Variants in GPR107 observed in about 807,000 individuals in gnomAD.
The protein encoded by GPR107 is G protein-coupled receptor 107.
In GPR107, 31 loss-of-function variants were observed where a neutral mutation model predicts 75.5. The ratio of observed to expected loss-of-function variants is 0.41; its 90% CI spans 0.31 to 0.55. The LOEUF is 0.55. Among genes scored for constraint, GPR107 ranks in the 20% least tolerant of loss-of-function variants. The probability of loss-of-function intolerance (pLI) is 0.26; values close to 1 mark genes in which losing one functional copy is unlikely to be tolerated. For missense variants in GPR107, 572 were observed against 665.7 expected (o/e 0.86, Z 1.55); for synonymous variants, 267 against 251.3 (o/e 1.06, Z -0.59).
In GPR107 at chr9:130,137,627, C is replaced by T. The variant is rs2132667753; in HGVS notation, c.*2506C>T. The T allele has an allele frequency of 6.6e-6, 1 of 152,236 alleles. No individual in the cohort carries two copies. Among genetic ancestry groups the T allele is most frequent in the East Asian group, 1.9e-4 (1 of 5,202 alleles). 9.4% of individuals were successfully genotyped at this position (152,236 alleles called of 1,614,324 possible). Reference sequence around the variant, plus strand: ...TAAAAAATTATTGAAGCTCTCCATCCTGTTCTGTGAGTGTGTCTTCTCTTT... The same window carrying T: ...TAAAAAATTATTGAAGCTCTCCATCTTGTTCTGTGAGTGTGTCTTCTCTTT... On this transcript the variant is annotated 3_prime_UTR_variant, in exon 18 of 18. Coordinates refer to ENST00000347136, the MANE Select transcript of GPR107 (RefSeq NM_020960.5).
chr9:130,111,626 T>C (rs532275038), intron 14 of GPR107, among the ~76,000 whole-genome samples: 1 of 152,314 alleles, frequency 6.6e-6, no homozygotes, highest in Admixed American at 6.5e-5. Flanking sequence ...AGACATGCCA[T>C]TTGTAGTTTT....
At chr9:130,098,771 G>T (rs1385418174) in intron 9 of GPR107, among the ~76,000 whole-genome samples, 1 of 152,166 alleles carries the variant, frequency 6.6e-6, no homozygotes, top group African/African-American at 2.4e-5. Context: ...ACTTTGGGAG[G>T]CAGAGGCGGG....
At chr9:130,124,391 G>T (rs1831623252) in intron 14 of GPR107, among the ~76,000 whole-genome samples, 1 of 152,158 alleles carries the variant, frequency 6.6e-6, no homozygotes, top group African/African-American at 2.4e-5. Context: ...TACTGAAAGG[G>T]CTTATTACAA....
intron 5 of GPR107, among the ~76,000 whole-genome samples, chr9:130,081,311 G>A (rs1207492427): frequency 1.3e-5 from 2 of 152,172 alleles, no homozygotes; most frequent in Non-Finnish European, 2.9e-5. Context: ...GCCAAGGCGG[G>A]CAGATTACTT....
intron 14 of GPR107, among the ~76,000 whole-genome samples, chr9:130,111,088 A>G (rs985427944): frequency 6.6e-6 from 1 of 151,932 alleles, no homozygotes; most frequent in Non-Finnish European, 1.5e-5. Context: ...CCTAACCTCA[A>G]GCCATCGTCC....
At chr9:130,101,464 T>C (rs2132610389) in intron 12 of GPR107, among the ~76,000 whole-genome samples, 1 of 152,390 alleles carries the variant, frequency 6.6e-6, no homozygotes, top group East Asian at 1.9e-4. Context: ...AGAGAGCTGC[T>C]GACAGTGACA....
At chr9:130,062,616 GCCTGCCTTCCTGCCTT>G (rs1377706663) in intron 1 of GPR107, among the ~76,000 whole-genome samples, 3 of 120,278 alleles carry the variant, frequency 2.5e-5, no homozygotes, top group Middle Eastern at 3.6e-3. Context: ...CTGCCTGCCT[GCCTGCCTTCCTGCCTT>G]CCTGCCTGCC....
At chr9:130,060,096 C>G (rs1208146408) in intron 1 of GPR107, among the ~76,000 whole-genome samples, 1 of 151,798 alleles carries the variant, frequency 6.6e-6, no homozygotes, top group Non-Finnish European at 1.5e-5. Flanking sequence ...GGAGTCTCAT[C>G]CTGTCCCCCA....
intron 17 of GPR107, chr9:130,132,932 T>TA (rs1310973433): frequency 5.3e-5 from 8 of 152,056 alleles, no homozygotes; most frequent in Non-Finnish European, 1.2e-4. Flanking sequence ...TTTTGCCTGT[T>TA]ATATTTCTTC....
At chr9:130,125,692 A>G (rs1831660137) in intron 15 of GPR107, among the ~76,000 whole-genome samples, 2 of 143,118 alleles carry the variant, frequency 1.4e-5, no homozygotes. Flanking sequence ...TTACTCATTT[A>G]GAAAAATGGG....
rs915956142 is a variant in GPR107 at position 130,054,080 on chromosome 9, C to G, written c.141+7C>G. On this transcript the variant is annotated splice_region_variant and intron_variant, in intron 1 of 17. Transcript: ENST00000347136. ...CCATCACCTGGCACTCAAGGTAAAG[C>G]TTGGCAAGGCCGGGCCGGGGGGCGG... 6.5e-7 allele frequency: 1 copy of G among 1,538,840 alleles called. No individual in the cohort carries two copies. The highest frequency in any genetic ancestry group is 8.8e-7 in the Non-Finnish European group (1 of 1,140,960).
chr9:130,110,542 G>A, intron 14 of GPR107: 1 of 679,188 alleles, frequency 1.5e-6, no homozygotes, highest in Non-Finnish European at 2.7e-6. Flanking sequence ...ATTAGAACGG[G>A]ATTGTCATTT....
rs532635679 is a variant in GPR107 at position 130,126,420 on chromosome 9, A to G, written c.1357-1063A>G. Reference sequence around the variant, plus strand: ...GAGTGCAATGGCGTGATCTCGGCTCACTGCAACCTCCGCCTCTTGGGTTCA... The same window carrying G: ...GAGTGCAATGGCGTGATCTCGGCTCGCTGCAACCTCCGCCTCTTGGGTTCA... On this transcript the variant is annotated intron_variant, in intron 15 of 17. Transcript: ENST00000347136. Among the ~76,000 whole-genome samples the G allele has an allele frequency of 2.1e-5, 3 of 140,198 alleles. No individual in the cohort carries two copies. In the South Asian group the frequency reaches 6.6e-4, roughly 31 times the overall value. 92.0% of individuals were successfully genotyped at this position (140,198 alleles called of 152,430 possible).
chr9:130,085,806 G>A (rs1472881650), intron 6 of GPR107, among the ~76,000 whole-genome samples: 3 of 130,922 alleles, frequency 2.3e-5, no homozygotes, highest in Admixed American at 9.2e-5. Context: ...TACCACCCAG[G>A]CTGGAGTGCA....
chr9:130,123,530 CTTTTTTTT>C (rs57730952), intron 14 of GPR107, among the ~76,000 whole-genome samples: 1 of 127,156 alleles, frequency 7.9e-6, no homozygotes, highest in Non-Finnish European at 1.7e-5. Context: ...CTTTTCTTTT[CTTTTTTTT>C]TTTTTTTTTT....
intron 3 of GPR107, among the ~76,000 whole-genome samples, chr9:130,076,719 G>T (rs1355206984): frequency 1.3e-5 from 2 of 151,296 alleles, no homozygotes; most frequent in Non-Finnish European, 2.9e-5. Context: ...TTCACATTTT[G>T]TTGGCCATGT....
rs761481325 is a variant in GPR107 at position 130,083,600 on chromosome 9, A to G, written c.562A>G (p.Lys188Glu). The change falls in exon 6 of 18, where the codon AAG (lysine) becomes GAG (glutamate). Residue 188 changes from lysine to glutamate, a missense_variant and splice_region_variant. Coordinates refer to ENST00000347136, the MANE Select transcript of GPR107 (RefSeq NM_020960.5). ...GTCTAAAAGAAGTACAGTGGATTCA[A>G]AGGTAAGAACTAACCACCCTTTTGT... is the stretch of plus-strand genomic sequence containing the variant. Reference protein sequence around the residue: ...GKSKRSTVDSKAMGEKSFSVH... With the variant: ...GKSKRSTVDSEAMGEKSFSVH... 5 of 1,524,520 alleles carry G rather than the reference A, an allele frequency of 3.3e-6. No individual in the cohort carries two copies. The highest frequency in any genetic ancestry group is 1.3e-5 in the South Asian group (1 of 75,940). The allele number at this position is 1,524,520 out of a possible 1,614,324, so 94.4% of individuals were successfully genotyped here. A position where few individuals can be genotyped will look rare whatever the true frequency, so the allele number is the denominator to read the frequency against.
chr9:130,066,356 T>C (rs1271344722), intron 1 of GPR107, among the ~76,000 whole-genome samples: 1 of 151,484 alleles, frequency 6.6e-6, no homozygotes, highest in Non-Finnish European at 1.5e-5. Flanking sequence ...TTTCCTCATC[T>C]CGTTCCCATT....
At chr9:130,111,928 T>A (rs1045609980) in intron 14 of GPR107, among the ~76,000 whole-genome samples, 1 of 152,108 alleles carries the variant, frequency 6.6e-6, no homozygotes, top group Admixed American at 6.5e-5. Flanking sequence ...CACTGCATCC[T>A]CCGAGAGGGA....
Sources: allele counts gnomAD v4.1 joint callset (sites outside exome capture counted in the v4.1 genomes callset), GRCh38; gene constraint gnomAD v4.1.1; transcripts MANE v1.5; gene names NCBI Gene and HGNC (gene_info 2026-07-23, HGNC 2026-07-21).